The following ARHGEF4 variants were observed in gnomAD, a reference collection of about 807,000 sequenced individuals.
ARHGEF4 encodes Rho guanine nucleotide exchange factor 4, also known as APC-stimulated guanine nucleotide exchange factor 1.
In ARHGEF4, 119 loss-of-function variants were observed where a neutral mutation model predicts 162.0. The observed-to-expected ratio is 0.73, with a 90% confidence interval of 0.63 to 0.86. The LOEUF is 0.86. Ranked by LOEUF, ARHGEF4 falls within the 40% of genes least tolerant of loss-of-function variation. The pLI is 0.00. For synonymous variants in ARHGEF4, 1,014 were observed against 979.9 expected, an observed-to-expected ratio of 1.03 and a Z score of -0.65; for missense variants, 2,488 against 2,456.0, an observed-to-expected ratio of 1.01 and a Z score of -0.28.
At position 130,926,203 on chromosome 2, in the gene ARHGEF4, T is replaced by C. The variant is rs114931151; in HGVS notation, c.3553-4749T>C. Among the ~76,000 whole-genome samples, 901 of 152,204 alleles carry C rather than the reference T, an allele frequency of 5.9e-3. 4 individuals are homozygous for C. Among genetic ancestry groups the C allele is most frequent in the Middle Eastern group, 0.01 (3 of 294 alleles). On this transcript the variant is annotated intron_variant, in intron 2 of 13. Coordinates refer to ENST00000409359, the MANE Select transcript of ARHGEF4 (RefSeq NM_001367493.1). ...ACTGAACGTTTTATTTCAGTTACTA[T>C]ATTTTTCAATTCTATAATTTCCAGT...
chr2:130,954,406 G>A (rs962935273), intron 4 of ARHGEF4, among the ~76,000 whole-genome samples: 1 of 152,162 alleles, frequency 6.6e-6, no homozygotes, highest in East Asian at 1.9e-4. Flanking sequence ...CTTGCCATGG[G>A]GTGGCAGGGG....
At chr2:130,997,976 T>C (rs574785183) in intron 4 of ARHGEF4, among the ~76,000 whole-genome samples, 40 of 152,050 alleles carry the variant, frequency 2.6e-4, no homozygotes, top group African/African-American at 9.4e-4. Flanking sequence ...GACGCACACC[T>C]GGGATAGTGT....
intron 1 of ARHGEF4, among the ~76,000 whole-genome samples, chr2:130,882,018 AG>A (rs1346736079): frequency 7.2e-5 from 11 of 152,144 alleles, no homozygotes; most frequent in Non-Finnish European, 2.9e-5. Flanking sequence ...CAGTGTGAAC[AG>A]GACATTGAGA....
intron 3 of ARHGEF4, among the ~76,000 whole-genome samples, chr2:130,938,528 T>A (rs938713026): frequency 6.6e-6 from 1 of 152,196 alleles, no homozygotes; most frequent in African/African-American, 2.4e-5. Flanking sequence ...GCCTTTTCAT[T>A]CTCTCCCCTC....
chr2:131,003,708 T>C (rs1471753306), intron 4 of ARHGEF4, among the ~76,000 whole-genome samples: 1 of 152,212 alleles, frequency 6.6e-6, no homozygotes, highest in African/African-American at 2.4e-5. Flanking sequence ...TTGGATAGTA[T>C]GTGATGGCAG....
intron 5 of ARHGEF4, among the ~76,000 whole-genome samples, chr2:131,029,002 A>G (rs2105370976): frequency 6.6e-6 from 1 of 152,280 alleles, no homozygotes; most frequent in East Asian, 1.9e-4. Flanking sequence ...TACCCACTGG[A>G]CAGAGGAGTG....
intron 4 of ARHGEF4, among the ~76,000 whole-genome samples, chr2:131,008,397 A>C (rs893700725): frequency 6.6e-6 from 1 of 152,218 alleles, no homozygotes; most frequent in Non-Finnish European, 1.5e-5. Context: ...CACCAATAAT[A>C]AATGTATGTT....
Position 130,914,646 on chromosome 2 carries a change from T to A in ARHGEF4, c.700T>A (p.Cys234Ser). Residue 234 changes from cysteine (C) to serine (S), a missense_variant, in exon 2 of 14, where the codon TGC (cysteine) becomes AGC (serine). By Grantham distance (112) the Cys-to-Ser change is moderately radical (BLOSUM62 -1). Transcript: ENST00000409359. ...AGTGGTCTGGCCCTTCCTTCTCTGG[T>A]GCTGTGAACTGGGTCGGAGTTGGCC... The part of the protein sequence containing the change: ...IPVVWPFLLW[C>S]CELGRSWPHI... 3.6e-6 allele frequency: 5 copies of A among 1,388,010 alleles called. No homozygotes were observed. Among genetic ancestry groups the A allele is most frequent in the Non-Finnish European group, 4.6e-6 (5 of 1,077,752 alleles). 86.0% of individuals were successfully genotyped at this position (1,388,010 alleles called of 1,614,324 possible). A position where few individuals can be genotyped will look rare whatever the true frequency, so the allele number is the denominator to read the frequency against.
At position 130,992,104 on chromosome 2, in the gene ARHGEF4, T is replaced by C. The variant is rs541246562; in HGVS notation, c.3986-35841T>C. 2.0e-5 allele frequency among the ~76,000 whole-genome samples: 3 copies of C among 152,266 alleles called. No individual in the cohort carries two copies. In the East Asian group the frequency reaches 5.8e-4, roughly 29 times the overall value. Reference sequence around the variant, plus strand: ...GGGCCTTGGAGAACCTTTGTGTCCATACTCTGCATCTAACTAATCTGATGG... The same window carrying C: ...GGGCCTTGGAGAACCTTTGTGTCCACACTCTGCATCTAACTAATCTGATGG... On this transcript the variant is annotated intron_variant, in intron 4 of 13. Coordinates refer to ENST00000409359, the MANE Select transcript of ARHGEF4 (RefSeq NM_001367493.1).
rs1426909546 is a variant in ARHGEF4, at chr2:130,893,953, A to G, written c.40-20033A>G. ...GTGAATTTGGAGTTGAGATTGTCCT[A>G]TTATGCGTCTAAGGAGCCTGCAGGC... On this transcript the variant is annotated intron_variant, in intron 1 of 13. Transcript: ENST00000409359. 2.0e-5 allele frequency among the ~76,000 whole-genome samples: 3 copies of G among 152,312 alleles called. No homozygotes were observed. In the East Asian group the frequency reaches 5.8e-4, roughly 29 times the overall value.
At chr2:130,894,739 G>T (rs1264284354) in intron 1 of ARHGEF4, among the ~76,000 whole-genome samples, 1 of 151,698 alleles carries the variant, frequency 6.6e-6, no homozygotes, top group Non-Finnish European at 1.5e-5. Flanking sequence ...TTCTTCCTCT[G>T]TCCCTGGTCT....
rs1300858124 is a variant in ARHGEF4 at position 131,040,206 on chromosome 2, G to C, written c.4482+14G>C. On this transcript the variant is annotated intron_variant, in intron 7 of 13. Transcript: ENST00000409359. ...GACATCTGCGAGGTGAGGCCCGGCC[G>C]GCGGGCGGTGACTGGGGACCCGGTC... 1.2e-6 allele frequency: 2 copies of C among 1,608,608 alleles called. No individual in the cohort carries two copies.
intron 4 of ARHGEF4, among the ~76,000 whole-genome samples, chr2:130,995,633 A>G (rs1687328165): frequency 6.6e-6 from 1 of 152,212 alleles, no homozygotes; most frequent in Admixed American, 6.5e-5. Context: ...ATCTTTCTCC[A>G]GAGAGGATTT....
In ARHGEF4 at chr2:130,996,369, C is replaced by T. The variant is rs572071654; in HGVS notation, c.3986-31576C>T. 4.6e-5 allele frequency among the ~76,000 whole-genome samples: 7 copies of T among 152,294 alleles called. No individual in the cohort carries two copies. The South Asian group carries it at 1.2e-3, about 27-fold the overall frequency. On this transcript the variant is annotated intron_variant, in intron 4 of 13. Coordinates refer to ENST00000409359, the MANE Select transcript of ARHGEF4 (RefSeq NM_001367493.1). ...GAAGTGCATGTGTTTTATATTTTGT[C>T]TAGTTTTTCTAACTGTTCTCCACTA...
At chr2:130,879,717 C>T (rs1679073939) in intron 1 of ARHGEF4, among the ~76,000 whole-genome samples, 1 of 152,156 alleles carries the variant, frequency 6.6e-6, no homozygotes, top group Non-Finnish European at 1.5e-5. Context: ...ATTTTACTTG[C>T]GTAATGGCCT....
intron 1 of ARHGEF4, among the ~76,000 whole-genome samples, chr2:130,890,607 T>G (rs1679807529): frequency 6.6e-6 from 1 of 152,166 alleles, no homozygotes; most frequent in African/African-American, 2.4e-5. Context: ...GTGGTATATT[T>G]TGTAAATTTC....
intron 1 of ARHGEF4, among the ~76,000 whole-genome samples, chr2:130,882,082 C>A (rs1382657071): frequency 2.0e-5 from 3 of 152,108 alleles, no homozygotes; most frequent in Non-Finnish European, 4.4e-5. Flanking sequence ...CAGGGATAGA[C>A]CTGCAAAGAA....
rs80074373 is a variant in ARHGEF4 at position 130,916,964 on chromosome 2, C to G, written c.3018C>G (p.Pro1006=). Residue 1006 remains proline (P), a synonymous_variant, in exon 2 of 14, where the codon CCC becomes CCG. Transcript: ENST00000409359. ...ATGTTTTTAGCGATCACTGGGCACC[C>G]CCACTTGCCTCCACACCTTTGTCCT... The part of the protein sequence containing the change: ...EGYVFSDHWA[P]PLASTPLSSS... 4.6e-3 allele frequency: 7,057 copies of G among 1,550,858 alleles called. 231 individuals carry two copies. In the African/African-American group the frequency reaches 0.083, roughly 18 times the overall value.
intron 1 of ARHGEF4, among the ~76,000 whole-genome samples, chr2:130,860,552 CA>C (rs1191509742): frequency 1.0e-5 from 1 of 99,604 alleles, no homozygotes. Context: ...ACTAAAAATA[CA>C]AAAAAAATTA....
Sources: gnomAD v4.1 joint callset for allele counts (sites outside exome capture counted in the v4.1 genomes callset) on GRCh38, gnomAD v4.1.1 for gene constraint, MANE v1.5 for transcripts, NCBI Gene and HGNC (gene_info 2026-07-23, HGNC 2026-07-21) for gene names.